PCDH9: variants seen among roughly 807,000 people sequenced by gnomAD.
PCDH9 encodes protocadherin 9.
A neutral mutation model predicts 70.6 loss-of-function variants in PCDH9; 24 were observed. That is an observed-to-expected ratio of 0.34 (90% CI 0.25 to 0.48). The LOEUF is 0.48. Ranked by LOEUF, PCDH9 falls within the 20% of genes least tolerant of loss-of-function variation. PCDH9 has a pLI of 0.99. For synonymous variants in PCDH9, 562 were observed against 558.5 expected (o/e 1.01, Z -0.09); for missense variants, 1,281 against 1,503.6 (o/e 0.85, Z 2.45).
At chr13:66,555,690 G>GCTGAATGAAATTATTTTCTGATTCTTAT (rs148138190) in intron 4 of PCDH9, among the ~76,000 whole-genome samples, 1 of 150,298 alleles carries the variant, frequency 6.7e-6, no homozygotes. Context: ...CAATATATGA[G>GCTGAATGAAATTATTTTCTGATTCTTAT]CTGAATGAAA....
intron 2 of PCDH9, among the ~76,000 whole-genome samples, chr13:67,157,415 T>G (rs2087843275): frequency 6.6e-6 from 1 of 152,250 alleles, no homozygotes. Flanking sequence ...ATTATTTAAA[T>G]GAATGGATGT....
chr13:67,049,087 T>C (rs260162), intron 2 of PCDH9, among the ~76,000 whole-genome samples: 135,795 of 152,254 alleles, frequency 0.89, 60,649 homozygotes, highest in East Asian at 0.98. Context: ...AAAATGTTTG[T>C]TCTCTTTAAC....
At chr13:66,584,412 A>G (rs938036492) in intron 4 of PCDH9, among the ~76,000 whole-genome samples, 4 of 152,174 alleles carry the variant, frequency 2.6e-5, no homozygotes, top group African/African-American at 9.6e-5. Flanking sequence ...ACTAAATATT[A>G]CTGCTAACAA....
At chr13:66,549,999 C>T (rs1037185725) in intron 4 of PCDH9, among the ~76,000 whole-genome samples, 2 of 152,142 alleles carry the variant, frequency 1.3e-5, no homozygotes, top group Admixed American at 1.3e-4. Flanking sequence ...TACAATATCT[C>T]ATCTAAAAAC....
At chr13:67,054,762 A>G (rs1161769638) in intron 2 of PCDH9, among the ~76,000 whole-genome samples, 1 of 152,184 alleles carries the variant, frequency 6.6e-6, no homozygotes, top group Non-Finnish European at 1.5e-5. Context: ...TAAAGAGTTA[A>G]ACAGAAATAA....
intron 4 of PCDH9, among the ~76,000 whole-genome samples, chr13:66,462,492 C>T (rs1594019382): frequency 6.6e-6 from 1 of 151,774 alleles, no homozygotes; most frequent in East Asian, 1.9e-4. Flanking sequence ...TATCTATGAT[C>T]ACATCTTTGT....
At chr13:66,683,601 A>G (rs2078359164) in intron 3 of PCDH9, among the ~76,000 whole-genome samples, 1 of 152,218 alleles carries the variant, frequency 6.6e-6, no homozygotes, top group African/African-American at 2.4e-5. Flanking sequence ...CACATTAATC[A>G]TATGATATAT....
At chr13:66,813,624 A>G (rs747238657) in intron 3 of PCDH9, among the ~76,000 whole-genome samples, 1 of 152,138 alleles carries the variant, frequency 6.6e-6, no homozygotes, top group Non-Finnish European at 1.5e-5. Context: ...TGAAAGAAAA[A>G]ATATATCGTT....
rs183327788 is a variant in PCDH9, at chr13:66,439,475, G to A, written c.3341-134447C>T. On this transcript the variant is annotated intron_variant, in intron 4 of 4. Coordinates refer to ENST00000377865, the MANE Select transcript of PCDH9 (RefSeq NM_203487.3). ...AATAAAATAGGTAACTATTCAAGAT[G>A]ATGGATATGTTAATTGGCTTAACTG... Among the ~76,000 whole-genome samples, 263 of 152,212 alleles carry A rather than the reference G, an allele frequency of 1.7e-3. 2 individuals carry two copies. The highest frequency in any genetic ancestry group is 6.3e-3 in the African/African-American group (261 of 41,544).
chr13:66,586,102 AC>A (rs779779563), intron 4 of PCDH9, among the ~76,000 whole-genome samples: 2 of 152,158 alleles, frequency 1.3e-5, no homozygotes, highest in African/African-American at 2.4e-5. Context: ...GTGAGAGGAT[AC>A]CCTTGTTAAC....
intron 2 of PCDH9, among the ~76,000 whole-genome samples, chr13:67,188,144 A>C (rs1007365972): frequency 7.2e-5 from 11 of 152,154 alleles, no homozygotes; most frequent in Non-Finnish European, 1.0e-4. Flanking sequence ...ATTCAGGAGA[A>C]ATTGGAAAAA....
chr13:67,193,774 A>G (rs2088984609), intron 2 of PCDH9, among the ~76,000 whole-genome samples: 1 of 151,934 alleles, frequency 6.6e-6, no homozygotes, highest in African/African-American at 2.4e-5. Context: ...GGTTCCTTTA[A>G]TTTTTCTATT....
chr13:66,774,239 T>C (rs1364316502), intron 3 of PCDH9, among the ~76,000 whole-genome samples: 1 of 152,154 alleles, frequency 6.6e-6, no homozygotes, highest in Non-Finnish European at 1.5e-5. Flanking sequence ...GACTTGCTAT[T>C]AGGAGAGAGC....
intron 2 of PCDH9, among the ~76,000 whole-genome samples, chr13:67,136,648 A>G (rs1244202813): frequency 1.3e-5 from 2 of 152,160 alleles, no homozygotes; most frequent in East Asian, 3.8e-4. Context: ...TTATGGTCTA[A>G]TCTCTTTGAA....
intron 2 of PCDH9, among the ~76,000 whole-genome samples, chr13:67,154,444 G>A (rs950489602): frequency 6.6e-6 from 1 of 151,624 alleles, no homozygotes; most frequent in African/African-American, 2.4e-5. Context: ...GGGCACGGCG[G>A]TAAGTGCCTA....
intron 3 of PCDH9, among the ~76,000 whole-genome samples, chr13:66,803,340 C>T (rs748101275): frequency 2.0e-5 from 3 of 152,100 alleles, no homozygotes; most frequent in Admixed American, 1.3e-4. Flanking sequence ...AGTAAAGTAA[C>T]CACCAGGTCA....
intron 4 of PCDH9, among the ~76,000 whole-genome samples, chr13:66,557,005 C>G (rs971531721): frequency 7.9e-5 from 12 of 152,108 alleles, no homozygotes; most frequent in Non-Finnish European, 1.6e-4. Flanking sequence ...GATGTGAGAG[C>G]TAAGCACTGC....
intron 3 of PCDH9, among the ~76,000 whole-genome samples, chr13:66,746,843 C>T (rs4316631): frequency 0.89 from 135,668 of 152,148 alleles, 62,552 homozygotes; most frequent in Non-Finnish European, 1. Context: ...GGAGAATCAA[C>T]ATTAGAAATA....
At chr13:67,124,673 C>T (rs997935068) in intron 2 of PCDH9, among the ~76,000 whole-genome samples, 3 of 152,098 alleles carry the variant, frequency 2.0e-5, no homozygotes, top group Admixed American at 6.6e-5. Flanking sequence ...ATCATCCTAC[C>T]TTCTTGTGGC....
Sources: allele counts gnomAD v4.1 joint callset (sites outside exome capture counted in the v4.1 genomes callset), GRCh38; gene constraint gnomAD v4.1.1; transcripts MANE v1.5; gene names NCBI Gene and HGNC (gene_info 2026-07-23, HGNC 2026-07-21).